The following PAFAH2 variants were observed in gnomAD, a reference collection of about 807,000 sequenced individuals.
PAFAH2 encodes platelet activating factor acetylhydrolase 2.
In PAFAH2, 42 loss-of-function variants were observed where a neutral mutation model predicts 49.0. That is an observed-to-expected ratio of 0.86 (90% CI 0.67 to 1.11). PAFAH2 has a LOEUF of 1.11. PAFAH2 is among the 50% of genes least tolerant of loss of function. The pLI, the probability that PAFAH2 is intolerant of heterozygous loss-of-function variation, is 0.00. For missense variants in PAFAH2, 503 were observed against 501.8 expected (o/e 1.00, Z -0.02); for synonymous variants, 184 against 181.3 (o/e 1.01, Z -0.12).
In PAFAH2 at chr1:25,989,493, G is replaced by A; in HGVS notation, c.199C>T (p.Gln67Ter). ...EYCTGLAEYL[Q>*]FNKRCGGLLF... ...AAGCCCCCGCAGCGCTTATTAAACT[G>A]CAGGTACTCGGCCAGGCCAGTGCAG... The change falls in exon 3 of 11, where the codon CAG (glutamine) becomes TAG (stop). Residue 67 changes from glutamine (Q) to a stop codon, truncating the protein, a stop_gained. Transcript: ENST00000374282. LOFTEE classifies it high-confidence loss of function. 2 of 1,611,646 alleles carry A rather than the reference G, an allele frequency of 1.2e-6. No homozygotes were observed. Among genetic ancestry groups the A allele is most frequent in the Non-Finnish European group, 1.7e-6 (2 of 1,178,694 alleles).
intron 10 of PAFAH2, among the ~76,000 whole-genome samples, chr1:25,969,256 G>A (rs537954140): frequency 2.6e-5 from 4 of 152,270 alleles, no homozygotes; most frequent in Admixed American, 2.6e-4. Context: ...TTTCCTGCCT[G>A]TGAACCCTCC....
At position 25,974,564 on chromosome 1, in the gene PAFAH2, G is replaced by A. The variant is rs2049559783; in HGVS notation, c.845C>T (p.Thr282Ile). 5 of 1,613,916 alleles carry A rather than the reference G, an allele frequency of 3.1e-6. No homozygotes were observed. Among genetic ancestry groups the A allele is most frequent in the Non-Finnish European group, 4.2e-6 (5 of 1,179,828 alleles). ...KARGPVFFINTEKFQTMESVN... is the reference protein window; with the variant it reads ...KARGPVFFINIEKFQTMESVN... Reference sequence around the variant, plus strand: ...ACTCTCCATTGTCTGGAATTTCTCAGTATTGATAAAGAACACAGGTCCTCG... The same window carrying A: ...ACTCTCCATTGTCTGGAATTTCTCAATATTGATAAAGAACACAGGTCCTCG... The change falls in exon 9 of 11, where the codon ACT becomes ATT. Residue 282 changes from threonine (T) to isoleucine (I), a missense_variant. Physicochemically the swap from Thr to Ile is moderately conservative, Grantham distance 89. Coordinates refer to ENST00000374282, the MANE Select transcript of PAFAH2 (RefSeq NM_000437.4).
intron 1 of PAFAH2, among the ~76,000 whole-genome samples, chr1:25,994,273 G>A (rs552801621): frequency 1.3e-5 from 2 of 151,996 alleles, no homozygotes; most frequent in Admixed American, 6.6e-5. Context: ...GGGACTATAG[G>A]CACTTGCCAT....
chr1:25,990,649 G>T, intron 2 of PAFAH2, 78 bp downstream of exon 2: 1 of 1,199,466 alleles, frequency 8.3e-7, no homozygotes, highest in South Asian at 1.3e-5. Flanking sequence ...TGGGAATACA[G>T]GATCAGACTT....
At chr1:25,970,557 T>C (rs529456223) in intron 10 of PAFAH2, among the ~76,000 whole-genome samples, 37 of 151,980 alleles carry the variant, frequency 2.4e-4, no homozygotes, top group African/African-American at 7.5e-4. Context: ...ATCTAATACA[T>C]TATAGTCAAG....
chr1:25,970,882 A>G (rs10794518), intron 10 of PAFAH2, among the ~76,000 whole-genome samples: 82,131 of 151,358 alleles, frequency 0.54, 25,191 homozygotes, highest in East Asian at 0.71. Context: ...GAGCTACCAC[A>G]CCCGGCCAGG....
At chr1:25,996,234 A>G (rs2049934130) in intron 1 of PAFAH2, among the ~76,000 whole-genome samples, 1 of 152,076 alleles carries the variant, frequency 6.6e-6, no homozygotes, top group Non-Finnish European at 1.5e-5. Flanking sequence ...ATGTGGTGGT[A>G]TGCAACTGCA....
intron 6 of PAFAH2, 133 bp from the exon 7 acceptor site, chr1:25,982,610 C>T: frequency 1.5e-6 from 1 of 654,436 alleles, no homozygotes; most frequent in Middle Eastern, 4.2e-4. Flanking sequence ...CCTTGGGTGC[C>T]ATGTCCTGAG....
At chr1:25,963,652 C>A (rs775948752) in intron 10 of PAFAH2, among the ~76,000 whole-genome samples, 2 of 152,164 alleles carry the variant, frequency 1.3e-5, no homozygotes, top group Non-Finnish European at 2.9e-5. Context: ...TACAGGCATG[C>A]ACCACCACAC....
intron 1 of PAFAH2, among the ~76,000 whole-genome samples, chr1:25,994,958 T>C (rs1057035895): frequency 1.3e-5 from 2 of 152,194 alleles, no homozygotes; most frequent in African/African-American, 4.8e-5. Context: ...TTGACTGATG[T>C]CCAAATAGGA....
At chr1:25,971,207 C>T (rs1339462533) in intron 10 of PAFAH2, among the ~76,000 whole-genome samples, 1 of 152,170 alleles carries the variant, frequency 6.6e-6, no homozygotes, top group Non-Finnish European at 1.5e-5. Flanking sequence ...GCTCCTTTCT[C>T]ATGGAAACTG....
intron 10 of PAFAH2, among the ~76,000 whole-genome samples, chr1:25,965,929 A>T (rs1252784950): frequency 6.6e-6 from 1 of 151,392 alleles, no homozygotes; most frequent in Non-Finnish European, 1.5e-5. Context: ...CAGAAACTGG[A>T]CTCAAAAAAA....
At chr1:25,980,432 C>G (rs1389989526) in intron 7 of PAFAH2, among the ~76,000 whole-genome samples, 1 of 151,510 alleles carries the variant, frequency 6.6e-6, no homozygotes, top group Non-Finnish European at 1.5e-5. Flanking sequence ...AAGTGATTCT[C>G]CTGCCTCAGC....
At position 25,989,511 on chromosome 1, in the gene PAFAH2, C is replaced by T; in HGVS notation, c.181G>A (p.Gly61Ser). The change falls in exon 3 of 11, where the codon GGC becomes AGC. Residue 61 changes from glycine to serine, a missense_variant. By Grantham distance (56) the Gly-to-Ser change is moderately conservative. Coordinates refer to ENST00000374282, the MANE Select transcript of PAFAH2 (RefSeq NM_000437.4). ...LWIPRYEYCT[G>S]LAEYLQFNKR... ...TTAAACTGCAGGTACTCGGCCAGGC[C>T]AGTGCAGTACTCATAGCGGGGAATC... is the stretch of plus-strand genomic sequence containing the variant. 1 of 1,612,094 alleles carries T rather than the reference C, an allele frequency of 6.2e-7. No homozygotes were observed. The highest frequency in any genetic ancestry group is 8.5e-7 in the Non-Finnish European group (1 of 1,178,958).
At chr1:25,980,329 GT>G (rs566266219) in intron 7 of PAFAH2, among the ~76,000 whole-genome samples, 135 of 146,534 alleles carry the variant, frequency 9.2e-4, no homozygotes, top group African/African-American at 2.5e-3. Flanking sequence ...AAATATATAA[GT>G]TTTTTTTTTT....
intron 7 of PAFAH2, among the ~76,000 whole-genome samples, chr1:25,977,109 G>C (rs1409375054): frequency 1.4e-4 from 19 of 135,004 alleles, no homozygotes; most frequent in Non-Finnish European, 2.8e-4. Flanking sequence ...TGCAAGCTCC[G>C]CCTCCCGGGT....
chr1:25,962,982 A>C (rs1184346354), intron 10 of PAFAH2, among the ~76,000 whole-genome samples: 3 of 152,134 alleles, frequency 2.0e-5, no homozygotes, highest in Middle Eastern at 3.2e-3. Context: ...TGGAGCAGCG[A>C]AACTCCAGGA....
chr1:25,993,616 T>C (rs1413033473), intron 1 of PAFAH2, among the ~76,000 whole-genome samples: 4 of 152,162 alleles, frequency 2.6e-5, no homozygotes, highest in Admixed American at 2.0e-4. Flanking sequence ...TTTTAGCAAA[T>C]TTAAAAACAA....
chr1:25,963,989 G>A (rs298450), intron 10 of PAFAH2, among the ~76,000 whole-genome samples: 1 of 152,116 alleles, frequency 6.6e-6, no homozygotes, highest in African/African-American at 2.4e-5. Flanking sequence ...TGTGGTGAGA[G>A]TGAAGTGAGC....
Sources: allele counts gnomAD v4.1 joint callset (sites outside exome capture counted in the v4.1 genomes callset), GRCh38; gene constraint gnomAD v4.1.1; transcripts MANE v1.5; gene names NCBI Gene and HGNC (gene_info 2026-07-23, HGNC 2026-07-21).